APAF1: variants seen among roughly 807,000 people sequenced by gnomAD.
APAF1 encodes the protein apoptotic protease-activating factor 1.
Under a neutral mutation model 152.4 loss-of-function variants are expected in APAF1, and 91 were observed. The observed-to-expected ratio is 0.60, with a 90% CI of 0.50 to 0.71. APAF1 has a LOEUF of 0.71. Ranked by LOEUF, APAF1 falls within the 30% of genes least tolerant of loss-of-function variation. APAF1 has a pLI of 0.00. For missense variants in APAF1, 1,283 were observed against 1,472.0 expected (o/e 0.87, Z 2.10); for synonymous variants, 484 against 494.1 (o/e 0.98, Z 0.27).
intron 14 of APAF1, among the ~76,000 whole-genome samples, chr12:98,682,668 ATATCT>A (rs917902109): frequency 5.9e-5 from 9 of 152,082 alleles, no homozygotes; most frequent in African/African-American, 2.2e-4. Flanking sequence ...ATCTCATTTG[ATATCT>A]TAAATTGTGT....
chr12:98,732,432 G>C lies in APAF1; in HGVS notation c.3613G>C (p.Val1205Leu). The change falls in exon 27 of 27, where the codon GTC becomes CTC. Residue 1205 changes from valine (V) to leucine (L), a missense_variant. By Grantham distance (32) the Val-to-Leu change is conservative. Coordinates refer to ENST00000551964, the MANE Select transcript of APAF1 (RefSeq NM_181861.2). ...AGGYIKWWNV[V>L]TGESSQTFYT... ...TTTCTCTGAACAGTGGTGGAACGTT[G>C]TCACTGGGGAATCCTCACAGACCTT... 6.2e-7 allele frequency: 1 copy of C among 1,613,562 alleles called. No homozygotes were observed. The highest frequency in any genetic ancestry group is 8.5e-7 in the Non-Finnish European group (1 of 1,179,476).
intron 22 of APAF1, among the ~76,000 whole-genome samples, chr12:98,718,255 G>A (rs2097737304): frequency 6.6e-6 from 1 of 151,212 alleles, no homozygotes; most frequent in Admixed American, 6.6e-5. Flanking sequence ...TTCTTTTTGA[G>A]ACAGTCTTGC....
chr12:98,709,025 G>A (rs2097724891), intron 20 of APAF1, among the ~76,000 whole-genome samples: 1 of 152,166 alleles, frequency 6.6e-6, no homozygotes, highest in Non-Finnish European at 1.5e-5. Context: ...GTCTGATGGA[G>A]TGTGCAAGGG....
chr12:98,723,543 CTTGTTTTATAGACCT>C, intron 23 of APAF1, 81 bp from the exon 24 acceptor site: 1 of 1,237,756 alleles, frequency 8.1e-7, no homozygotes, highest in Admixed American at 2.0e-5. Context: ...TATTAAAACT[CTTGTTTTATAGACCT>C]GTCTTGTAGC....
chr12:98,669,442 T>C (rs1292187263), intron 10 of APAF1, among the ~76,000 whole-genome samples: 2 of 152,170 alleles, frequency 1.3e-5, no homozygotes, highest in Non-Finnish European at 2.9e-5. Context: ...TGCTCTTGTG[T>C]ATAGTTTTCT....
At chr12:98,670,904 TAATG>T in intron 10 of APAF1, 65 bp from the exon 11 acceptor site, 1 of 858,470 alleles carries the variant, frequency 1.2e-6, no homozygotes, top group African/African-American at 1.7e-5. Flanking sequence ...AGTGTGAGGT[TAATG>T]ATGTTATACC....
rs1458895646 is a variant in APAF1, at chr12:98,653,586, G to A, written c.526+3902G>A. Among the ~76,000 whole-genome samples the A allele has an allele frequency of 3.5e-5, 5 of 141,898 alleles. No homozygotes were observed. The East Asian group carries it at 1.1e-3, about 31-fold the overall frequency. 93.1% of individuals were successfully genotyped at this position (141,898 alleles called of 152,430 possible). A position where few individuals can be genotyped will look rare whatever the true frequency, so the allele number is the denominator to read the frequency against. The stretch of plus-strand genomic sequence containing the variant: ...GCATAAGAATCGCTTGAACATGGGA[G>A]GCAGAGGTTGCAGCGAGCCAAGATT... On this transcript the variant is annotated intron_variant, in intron 4 of 26. Coordinates refer to ENST00000551964, the MANE Select transcript of APAF1 (RefSeq NM_181861.2).
chr12:98,657,917 T>C (rs1456193416), intron 4 of APAF1, among the ~76,000 whole-genome samples: 1 of 152,182 alleles, frequency 6.6e-6, no homozygotes, highest in Non-Finnish European at 1.5e-5. Flanking sequence ...CCAATAAATA[T>C]CTGATGTAAA....
chr12:98,665,848 A>G, intron 8 of APAF1, 57 bp downstream of exon 8: 2 of 1,382,618 alleles, frequency 1.4e-6, no homozygotes, highest in South Asian at 2.3e-5. Context: ...GCTTTGATAT[A>G]GTACTGAGCA....
intron 15 of APAF1, 25 bp from the exon 16 acceptor site, chr12:98,686,723 T>G (rs1242285604): frequency 6.2e-7 from 1 of 1,608,326 alleles, no homozygotes; most frequent in Admixed American, 1.7e-5. Context: ...AGTTGTTTAT[T>G]TATCTTTTTT....
chr12:98,696,685 G>A (rs760041627), intron 16 of APAF1, among the ~76,000 whole-genome samples: 15 of 152,136 alleles, frequency 9.9e-5, no homozygotes, highest in Non-Finnish European at 1.8e-4. Context: ...TTTTAGAGAC[G>A]GGGTTTCACC....
chr12:98,663,534 A>G (rs2097668175), intron 7 of APAF1, among the ~76,000 whole-genome samples: 1 of 152,138 alleles, frequency 6.6e-6, no homozygotes, highest in Non-Finnish European at 1.5e-5. Context: ...TTTTTTGTGT[A>G]CCTTTTATTT....
chr12:98,682,560 T>C (rs1418754937), intron 14 of APAF1, among the ~76,000 whole-genome samples: 1 of 152,248 alleles, frequency 6.6e-6, no homozygotes, highest in Non-Finnish European at 1.5e-5. Flanking sequence ...GCTGGGTTTC[T>C]CTCAGACTAT....
chr12:98,733,151 T>C lies in APAF1; in HGVS notation c.*585T>C, dbSNP rs1180208916. ...GCCCCCCCACCTTTTTTTTTTGTTT[T>C]TGGAGACAGAGTCTTGCTTTGTTGC... On this transcript the variant is annotated 3_prime_UTR_variant, in exon 27 of 27. Coordinates refer to ENST00000551964, the MANE Select transcript of APAF1 (RefSeq NM_181861.2). 3.2e-5 allele frequency: 5 copies of C among 153,928 alleles called. No individual in the cohort carries two copies. In the East Asian group the frequency reaches 9.5e-4, roughly 29 times the overall value. 9.5% of individuals were successfully genotyped at this position (153,928 alleles called of 1,614,324 possible). A position where few individuals can be genotyped will look rare whatever the true frequency, so the allele number is the denominator to read the frequency against.
rs557879439 is a variant in APAF1 at position 98,672,947 on chromosome 12, A to G, written c.1793+1228A>G. 1.9e-3 allele frequency among the ~76,000 whole-genome samples: 294 copies of G among 151,436 alleles called. 2 individuals are homozygous for G. The highest frequency in any genetic ancestry group is 6.8e-3 in the African/African-American group (280 of 41,362). ...TTTTGTATTTTTTTTTAGTAGAGAC[A>G]GGGTTTCTCCATGTTGGTCAGGCTG... On this transcript the variant is annotated intron_variant, in intron 12 of 26. Coordinates refer to ENST00000551964, the MANE Select transcript of APAF1 (RefSeq NM_181861.2).
intron 16 of APAF1, among the ~76,000 whole-genome samples, chr12:98,693,980 C>T (rs2097707169): frequency 6.6e-6 from 1 of 152,046 alleles, no homozygotes; most frequent in Non-Finnish European, 1.5e-5. Flanking sequence ...GGATATTAGA[C>T]CTTTGTTGGA....
intron 15 of APAF1, among the ~76,000 whole-genome samples, chr12:98,684,603 G>A (rs2097696051): frequency 6.7e-6 from 1 of 149,292 alleles, no homozygotes; most frequent in Admixed American, 6.8e-5. Flanking sequence ...GAATCCCAAG[G>A]ACCCTGCAGA....
intron 4 of APAF1, among the ~76,000 whole-genome samples, chr12:98,652,511 T>A (rs2097650217): frequency 1.3e-5 from 2 of 152,150 alleles, no homozygotes; most frequent in African/African-American, 2.4e-5. Context: ...TGGATTTTGT[T>A]TATATTATTT....
Position 98,707,692 on chromosome 12 carries a change from CTATA to C in APAF1, c.2722-876_2722-873del, listed in dbSNP as rs10668292. Among the ~76,000 whole-genome samples the C allele has an allele frequency of 2.1e-3, 291 of 139,660 alleles. 2 individuals carry two copies. Among genetic ancestry groups the C allele is most frequent in the Non-Finnish European group, 2.8e-3 (182 of 63,958 alleles). 91.6% of individuals were successfully genotyped at this position (139,660 alleles called of 152,430 possible). ...TATATTCAAGACATTATGCAAAGTACTATATATATATATATATATACATATAAAT... is the reference window on the plus strand; with the variant it reads ...TATATTCAAGACATTATGCAAAGTACTATATATATATATATACATATAAAT... On this transcript the variant is annotated intron_variant, in intron 19 of 26. Coordinates refer to ENST00000551964, the MANE Select transcript of APAF1 (RefSeq NM_181861.2).
Sources: gnomAD v4.1 joint callset for allele counts (sites outside exome capture counted in the v4.1 genomes callset) on GRCh38, gnomAD v4.1.1 for gene constraint, MANE v1.5 for transcripts, NCBI Gene and HGNC (gene_info 2026-07-23, HGNC 2026-07-21) for gene names.